The following SOX5 variants were observed in gnomAD, a reference collection of about 807,000 sequenced individuals.
SOX5 encodes SRY-box transcription factor 5, also known as transcription factor SOX-5.
Under a neutral mutation model 92.0 loss-of-function variants are expected in SOX5, and 9 were observed. The observed-to-expected ratio is 0.10, with a 90% CI of 0.06 to 0.17. SOX5 has a LOEUF of 0.17. SOX5 is among the 10% of genes least tolerant of loss of function. The probability of loss-of-function intolerance (pLI) is 1.00; values close to 1 mark genes in which losing one functional copy is unlikely to be tolerated. For synonymous variants in SOX5, 344 were observed against 336.3 expected (o/e 1.02, Z -0.25); for missense variants, 642 against 944.5 (o/e 0.68, Z 4.20).
intron 9 of SOX5, among the ~76,000 whole-genome samples, chr12:23,590,510 T>C (rs564993855): frequency 6.6e-6 from 1 of 152,132 alleles, no homozygotes; most frequent in South Asian, 2.1e-4. Flanking sequence ...TCACACCTTC[T>C]GGAACCCTTT....
intron 1 of SOX5, among the ~76,000 whole-genome samples, chr12:23,914,354 A>G (rs2097388439): frequency 6.6e-6 from 1 of 152,186 alleles, no homozygotes; most frequent in African/African-American, 2.4e-5. Flanking sequence ...CAGTTATAAT[A>G]GTAGTTGGAA....
intron 3 of SOX5, among the ~76,000 whole-genome samples, chr12:23,804,915 T>TTATATATATATA (rs528741802): frequency 3.3e-4 from 25 of 75,052 alleles, no homozygotes; most frequent in South Asian, 9.1e-4. Context: ...TATCATTGTT[T>TTATATATATATA]TATATATATA....
intron 4 of SOX5, among the ~76,000 whole-genome samples, chr12:24,077,571 C>T (rs1942781245): frequency 6.6e-6 from 1 of 151,500 alleles, no homozygotes; most frequent in African/African-American, 2.4e-5. Flanking sequence ...AGTATCAGTG[C>T]CAAGATAGAA....
At chr12:24,343,869 G>C (rs1292553350) in intron 2 of SOX5, among the ~76,000 whole-genome samples, 1 of 152,180 alleles carries the variant, frequency 6.6e-6, no homozygotes, top group Non-Finnish European at 1.5e-5. Context: ...AAAGCCGACT[G>C]TAAGTTGTGA....
chr12:23,906,808 T>C (rs575870113), intron 1 of SOX5, among the ~76,000 whole-genome samples: 1 of 152,278 alleles, frequency 6.6e-6, no homozygotes, highest in East Asian at 1.9e-4. Flanking sequence ...AACAAATTGA[T>C]TAACGAGGAA....
At chr12:24,275,237 A>C (rs1944298025) in intron 3 of SOX5, among the ~76,000 whole-genome samples, 1 of 152,162 alleles carries the variant, frequency 6.6e-6, no homozygotes, top group Non-Finnish European at 1.5e-5. Context: ...AGGAAAATTA[A>C]AACTTCTCAT....
chr12:24,152,919 A>C (rs183596771), intron 4 of SOX5, among the ~76,000 whole-genome samples: 182 of 152,300 alleles, frequency 1.2e-3, no homozygotes, highest in African/African-American at 3.8e-3. Context: ...ATGTTTAATT[A>C]GCTCTGTTTT....
At chr12:23,575,300 T>C (rs1948943270) in intron 10 of SOX5, among the ~76,000 whole-genome samples, 2 of 152,170 alleles carry the variant, frequency 1.3e-5, no homozygotes, top group African/African-American at 4.8e-5. Context: ...GTATACTTTG[T>C]GCAATTCACA....
chr12:24,024,208 A>G (rs1307415419), intron 4 of SOX5, among the ~76,000 whole-genome samples: 1 of 152,048 alleles, frequency 6.6e-6, no homozygotes, highest in Non-Finnish European at 1.5e-5. Context: ...ATGGAATACA[A>G]TGGTCAAAAG....
At chr12:23,662,738 T>C (rs1028386492) in intron 7 of SOX5, among the ~76,000 whole-genome samples, 1 of 152,214 alleles carries the variant, frequency 6.6e-6, no homozygotes, top group Non-Finnish European at 1.5e-5. Context: ...TCTAGTTTAG[T>C]CCCAGAGATT....
In SOX5 at chr12:23,708,838, A is replaced by T. The variant is rs538232352; in HGVS notation, c.810+25846T>A. 2.0e-5 allele frequency among the ~76,000 whole-genome samples: 3 copies of T among 152,320 alleles called. No homozygotes were observed. The East Asian group carries it at 5.8e-4, about 29-fold the overall frequency. Reference sequence around the variant, plus strand: ...GAGACTGGTGATAATATCATTAGTCATTTGTAGCCCACAAATTCACAAGAT... The same window carrying T: ...GAGACTGGTGATAATATCATTAGTCTTTTGTAGCCCACAAATTCACAAGAT... On this transcript the variant is annotated intron_variant, in intron 6 of 14. Transcript: ENST00000451604.
At chr12:24,215,279 G>C (rs1437386518) in intron 3 of SOX5, among the ~76,000 whole-genome samples, 1 of 151,974 alleles carries the variant, frequency 6.6e-6, no homozygotes, top group Non-Finnish European at 1.5e-5. Flanking sequence ...GAAAGAAAAG[G>C]CATCCAGGCT....
At chr12:23,804,076 T>G (rs898984310) in intron 3 of SOX5, among the ~76,000 whole-genome samples, 2 of 152,184 alleles carry the variant, frequency 1.3e-5, no homozygotes, top group Admixed American at 6.5e-5. Flanking sequence ...TCAATTCCCT[T>G]ATTCAATGAA....
chr12:24,182,617 G>T (rs1955617352), intron 4 of SOX5, among the ~76,000 whole-genome samples: 1 of 151,402 alleles, frequency 6.6e-6, no homozygotes, highest in South Asian at 2.1e-4. Flanking sequence ...TGAATTAAAA[G>T]CTTTCTCCAA....
intron 3 of SOX5, among the ~76,000 whole-genome samples, chr12:23,831,509 G>T (rs748453928): frequency 6.6e-6 from 1 of 151,988 alleles, no homozygotes; most frequent in Non-Finnish European, 1.5e-5. Context: ...ACCCAACAAC[G>T]GTCTATAGTC....
intron 4 of SOX5, among the ~76,000 whole-genome samples, chr12:24,192,627 C>A (rs1052112982): frequency 6.6e-6 from 1 of 152,172 alleles, no homozygotes; most frequent in Non-Finnish European, 1.5e-5. Context: ...AAGATACATC[C>A]TGCTGCCTTA....
At chr12:24,532,417 CA>C (rs1394129961) in intron 1 of SOX5, among the ~76,000 whole-genome samples, 2 of 152,200 alleles carry the variant, frequency 1.3e-5, no homozygotes, top group Non-Finnish European at 2.9e-5. Context: ...CTGATATGAA[CA>C]AAAAAGACAC....
chr12:23,972,753 T>C (rs1419172764), intron 4 of SOX5, among the ~76,000 whole-genome samples: 1 of 152,202 alleles, frequency 6.6e-6, no homozygotes, highest in East Asian at 1.9e-4. Flanking sequence ...TATGTGTATA[T>C]TGTGGACAGA....
chr12:23,656,101 G>A lies in SOX5; in HGVS notation c.931+9343C>T, dbSNP rs191274797. Among the ~76,000 whole-genome samples the A allele has an allele frequency of 3.0e-4, 46 of 152,150 alleles. 1 individual carries two copies. In the East Asian group the frequency reaches 6.2e-3, roughly 20 times the overall value. On this transcript the variant is annotated intron_variant, in intron 7 of 14. Transcript: ENST00000451604. ...TGAAAGATGAAAAAGATAAAACAGG[G>A]AGAGCAAGATGACTTGCCCAAGGGC... is the stretch of plus-strand genomic sequence containing the variant.
Sources: gnomAD v4.1 joint callset for allele counts (sites outside exome capture counted in the v4.1 genomes callset) on GRCh38, gnomAD v4.1.1 for gene constraint, MANE v1.5 for transcripts, NCBI Gene and HGNC (gene_info 2026-07-23, HGNC 2026-07-21) for gene names.